The following ARHGAP15 variants were observed in gnomAD, a reference collection of about 807,000 sequenced individuals.
ARHGAP15 encodes the protein Rho GTPase activating protein 15, also known as rho GTPase-activating protein 15.
ARHGAP15 carries 51 observed loss-of-function variants against 63.7 expected under a neutral mutation model. The observed-to-expected ratio is 0.80, with a 90% CI of 0.64 to 1.01. The LOEUF (loss-of-function observed/expected upper bound fraction) is 1.01. Among genes scored for constraint, ARHGAP15 ranks in the 50% least tolerant of loss-of-function variants. ARHGAP15 has a pLI of 0.00. For missense variants in ARHGAP15, 560 were observed against 564.6 expected (o/e 0.99, Z 0.08); for synonymous variants, 191 against 193.8 (o/e 0.99, Z 0.12).
intron 11 of ARHGAP15, among the ~76,000 whole-genome samples, chr2:143,582,067 G>A (rs1214232505): frequency 2.6e-5 from 4 of 152,126 alleles, no homozygotes; most frequent in African/African-American, 4.8e-5. Context: ...AATATTAGAC[G>A]TGATATAAGA....
At position 143,330,131 on chromosome 2, in the gene ARHGAP15, AC is replaced by A. The variant is rs145416662; in HGVS notation, c.474+79533del. Among the ~76,000 whole-genome samples, 196 of 46,118 alleles carry A rather than the reference AC, an allele frequency of 4.2e-3. 26 individuals are homozygous for A. The highest frequency in any genetic ancestry group is 4.1e-3 in the Non-Finnish European group (101 of 24,634). 30.3% of individuals were successfully genotyped at this position (46,118 alleles called of 152,430 possible). On this transcript the variant is annotated intron_variant, in intron 6 of 13. Transcript: ENST00000295095. ...AAAAAAAAAAAAAAAAAAAAAAAAA[AC>A]CAAAAACAAAAAACTAAACTAATGA...
chr2:143,141,958 G>C (rs1011059587), intron 1 of ARHGAP15, among the ~76,000 whole-genome samples: 1 of 151,998 alleles, frequency 6.6e-6, no homozygotes, highest in Non-Finnish European at 1.5e-5. Context: ...ACAAGAGAAC[G>C]TCTATATGAT....
intron 2 of ARHGAP15, among the ~76,000 whole-genome samples, chr2:143,193,220 C>A (rs1178578916): frequency 2.0e-5 from 3 of 152,184 alleles, no homozygotes; most frequent in Admixed American, 1.3e-4. Flanking sequence ...CCCATCTAAA[C>A]CCATCATTGC....
At position 143,487,420 on chromosome 2, in the gene ARHGAP15, G is replaced by A. The variant is rs759753435; in HGVS notation, c.751G>A (p.Val251Ile). The part of the protein sequence containing the change: ...SASDTSDKNR[V>I]KSRLKKFITR... ...TTCCGATACAAGCGACAAAAATCGA[G>A]TTAAAAGCAGATTAAAGAAGTTTAT... Residue 251 changes from valine (V) to isoleucine (I), a missense_variant, in exon 9 of 14, where the codon GTT (valine) becomes ATT (isoleucine). Physicochemically the swap from Val to Ile is conservative, Grantham distance 29 (BLOSUM62 3). Coordinates refer to ENST00000295095, the MANE Select transcript of ARHGAP15 (RefSeq NM_018460.4). 6.2e-7 allele frequency: 1 copy of A among 1,613,790 alleles called. No individual in the cohort carries two copies. The highest frequency in any genetic ancestry group is 1.1e-5 in the South Asian group (1 of 91,050).
At chr2:143,151,822 C>T (rs776574760) in intron 1 of ARHGAP15, among the ~76,000 whole-genome samples, 10 of 151,806 alleles carry the variant, frequency 6.6e-5, no homozygotes, top group Non-Finnish European at 7.4e-5. Context: ...CTAGAAACAG[C>T]CCTGTCTAAT....
intron 2 of ARHGAP15, among the ~76,000 whole-genome samples, chr2:143,196,266 T>C (rs559817764): frequency 3.3e-5 from 5 of 152,100 alleles, no homozygotes; most frequent in African/African-American, 9.6e-5. Context: ...TTTTCAGTAA[T>C]ACTAGGTTCA....
intron 8 of ARHGAP15, among the ~76,000 whole-genome samples, chr2:143,455,294 T>G (rs1209323120): frequency 6.6e-6 from 1 of 152,098 alleles, no homozygotes; most frequent in Non-Finnish European, 1.5e-5. Context: ...AGCATGCTGA[T>G]GCATTATAGT....
chr2:143,490,792 TG>T (rs553997870), intron 9 of ARHGAP15, among the ~76,000 whole-genome samples: 208 of 152,130 alleles, frequency 1.4e-3, no homozygotes, highest in African/African-American at 4.9e-3. Context: ...ACTGTTTTTT[TG>T]TTTGTTTGTT....
chr2:143,577,664 T>A (rs1696726976), intron 11 of ARHGAP15, among the ~76,000 whole-genome samples: 1 of 152,130 alleles, frequency 6.6e-6, no homozygotes, highest in African/African-American at 2.4e-5. Flanking sequence ...GGAAGCTCCT[T>A]TCCCAAAGCA....
chr2:143,534,025 C>G (rs1025774993), intron 10 of ARHGAP15, among the ~76,000 whole-genome samples: 3 of 152,144 alleles, frequency 2.0e-5, no homozygotes, highest in African/African-American at 7.2e-5. Context: ...TCCAGTGAGC[C>G]TGATGGAGTT....
chr2:143,604,905 G>GTTTTGT (rs780329928), intron 11 of ARHGAP15, among the ~76,000 whole-genome samples: 11 of 151,626 alleles, frequency 7.3e-5, no homozygotes, highest in Admixed American at 1.3e-4. Flanking sequence ...GTTTTGTTTT[G>GTTTTGT]TTTTGTTTTT....
intron 5 of ARHGAP15, among the ~76,000 whole-genome samples, chr2:143,234,108 C>A (rs889936825): frequency 6.6e-6 from 1 of 152,080 alleles, no homozygotes; most frequent in Non-Finnish European, 1.5e-5. Flanking sequence ...CAAATAATTT[C>A]TCTTTAGGTA....
chr2:143,617,426 A>G (rs1698491707), intron 11 of ARHGAP15, among the ~76,000 whole-genome samples: 1 of 152,198 alleles, frequency 6.6e-6, no homozygotes, highest in South Asian at 2.1e-4. Flanking sequence ...AGATTAAGGT[A>G]TCGGTAAGTT....
chr2:143,579,247 A>G (rs560636857), intron 11 of ARHGAP15, among the ~76,000 whole-genome samples: 1 of 152,320 alleles, frequency 6.6e-6, no homozygotes, highest in South Asian at 2.1e-4. Context: ...AAGTACATCG[A>G]CTTCTCAGGA....
intron 6 of ARHGAP15, among the ~76,000 whole-genome samples, chr2:143,420,041 A>G (rs893306734): frequency 6.6e-6 from 1 of 152,158 alleles, no homozygotes; most frequent in African/African-American, 2.4e-5. Context: ...GGCTCCCAGA[A>G]TCACACTACA....
intron 13 of ARHGAP15, among the ~76,000 whole-genome samples, chr2:143,715,940 G>A (rs987468964): frequency 6.6e-6 from 1 of 152,030 alleles, no homozygotes; most frequent in Admixed American, 6.6e-5. Flanking sequence ...TTCTGCATAT[G>A]GCTAGCTAGC....
At chr2:143,258,776 G>C (rs1680555281) in intron 6 of ARHGAP15, among the ~76,000 whole-genome samples, 2 of 152,112 alleles carry the variant, frequency 1.3e-5, no homozygotes, top group Non-Finnish European at 2.9e-5. Context: ...TTCACATGGA[G>C]GGTTTAGATG....
intron 6 of ARHGAP15, among the ~76,000 whole-genome samples, chr2:143,283,430 TTTAAA>T (rs1681951901): frequency 2.6e-5 from 4 of 152,312 alleles, no homozygotes; most frequent in African/African-American, 4.8e-5. Flanking sequence ...GTTTTGGATA[TTTAAA>T]TTAATTTTAC....
intron 10 of ARHGAP15, among the ~76,000 whole-genome samples, chr2:143,546,946 T>C (rs1370855853): frequency 1.3e-5 from 2 of 152,160 alleles, no homozygotes; most frequent in African/African-American, 4.8e-5. Flanking sequence ...GATGTAAGAT[T>C]TGTCAATGAC....
Sources: gnomAD v4.1 joint callset for allele counts (sites outside exome capture counted in the v4.1 genomes callset) on GRCh38, gnomAD v4.1.1 for gene constraint, MANE v1.5 for transcripts, NCBI Gene and HGNC (gene_info 2026-07-23, HGNC 2026-07-21) for gene names.